The following LGR4 variants were observed in gnomAD, a reference collection of about 807,000 sequenced individuals.
LGR4 encodes the protein leucine rich repeat containing G protein-coupled receptor 4, also known as leucine-rich repeat-containing G protein-coupled receptor 4.
A neutral mutation model predicts 84.8 loss-of-function variants in LGR4; 44 were observed. The ratio of observed to expected loss-of-function variants is 0.52; its 90% confidence interval spans 0.41 to 0.67. The LOEUF is 0.67. Ranked by LOEUF, LGR4 falls within the 30% of genes least tolerant of loss-of-function variation. LGR4 has a pLI of 0.00. For missense variants in LGR4, 1,032 were observed against 1,131.4 expected, an observed-to-expected ratio of 0.91 and a Z score of 1.26; for synonymous variants, 429 against 434.3, an observed-to-expected ratio of 0.99 and a Z score of 0.15.
intron 4 of LGR4, among the ~76,000 whole-genome samples, chr11:27,390,451 T>C (rs1301376606): frequency 6.6e-6 from 1 of 152,176 alleles, no homozygotes; most frequent in African/African-American, 2.4e-5. Flanking sequence ...AAAACCAGCA[T>C]TACTTCTAGG....
At chr11:27,420,170 A>G (rs981339775) in intron 1 of LGR4, among the ~76,000 whole-genome samples, 3 of 152,144 alleles carry the variant, frequency 2.0e-5, no homozygotes, top group African/African-American at 7.2e-5. Context: ...AAAAAAAATA[A>G]TTCATCCTAT....
intron 1 of LGR4, among the ~76,000 whole-genome samples, chr11:27,438,408 T>C (rs1401989934): frequency 6.6e-6 from 1 of 152,116 alleles, no homozygotes; most frequent in Non-Finnish European, 1.5e-5. Flanking sequence ...TGCCACCACT[T>C]GGCAGGCAGA....
chr11:27,379,098 T>A, intron 10 of LGR4: 1 of 255,640 alleles, frequency 3.9e-6, no homozygotes, highest in Non-Finnish European at 7.3e-6. Flanking sequence ...ACCCAAGACC[T>A]TTGAAACCAA....
At chr11:27,443,518 A>G (rs114232450) in intron 1 of LGR4, among the ~76,000 whole-genome samples, 1,881 of 152,348 alleles carry the variant, frequency 0.012, 40 homozygotes, top group African/African-American at 0.042. Flanking sequence ...GAAAATGGGG[A>G]AAGGCTGAAG....
At chr11:27,437,498 G>A (rs560283458) in intron 1 of LGR4, among the ~76,000 whole-genome samples, 1 of 152,162 alleles carries the variant, frequency 6.6e-6, no homozygotes, top group South Asian at 2.1e-4. Flanking sequence ...TTAAAATTGA[G>A]AAGGAGTGAC....
chr11:27,456,750 T>C (rs1433455540), intron 1 of LGR4, among the ~76,000 whole-genome samples: 2 of 152,174 alleles, frequency 1.3e-5, no homozygotes, highest in African/African-American at 4.8e-5. Flanking sequence ...TAAACAAGTA[T>C]GTATAAAAAG....
chr11:27,419,849 C>T (rs79489088), intron 1 of LGR4, among the ~76,000 whole-genome samples: 3,082 of 151,822 alleles, frequency 0.02, 98 homozygotes, highest in African/African-American at 0.071. Context: ...ACATATTGCA[C>T]GATTCCATTT....
chr11:27,463,647 G>A (rs1039460656), intron 1 of LGR4, among the ~76,000 whole-genome samples: 3 of 151,976 alleles, frequency 2.0e-5, no homozygotes, highest in Non-Finnish European at 4.4e-5. Context: ...TCAGCCGGGT[G>A]CGGTAGCAGG....
At chr11:27,451,892 C>A (rs1590404657) in intron 1 of LGR4, among the ~76,000 whole-genome samples, 1 of 152,074 alleles carries the variant, frequency 6.6e-6, no homozygotes, top group Non-Finnish European at 1.5e-5. Context: ...TGATTCAAAC[C>A]ATTTAAATTA....
intron 1 of LGR4, among the ~76,000 whole-genome samples, chr11:27,452,903 G>A (rs1219003146): frequency 6.6e-6 from 1 of 151,452 alleles, no homozygotes; most frequent in African/African-American, 2.4e-5. Context: ...TGTATCAATA[G>A]TTTGTATACT....
At chr11:27,424,935 AC>A (rs1863994138) in intron 1 of LGR4, among the ~76,000 whole-genome samples, 1 of 152,044 alleles carries the variant, frequency 6.6e-6, no homozygotes, top group Non-Finnish European at 1.5e-5. Context: ...TGTAGTAGAG[AC>A]GGGGTTTCAC....
chr11:27,401,231 C>T (rs764422766), intron 2 of LGR4, among the ~76,000 whole-genome samples: 21 of 152,122 alleles, frequency 1.4e-4, no homozygotes, highest in African/African-American at 2.4e-4. Context: ...AAAATAAGTA[C>T]GTTTCTGCTA....
chr11:27,418,689 C>A (rs992543836), intron 1 of LGR4, among the ~76,000 whole-genome samples: 1 of 152,022 alleles, frequency 6.6e-6, no homozygotes, highest in Non-Finnish European at 1.5e-5. Flanking sequence ...TACTTCAACA[C>A]CCTAAGTATA....
chr11:27,449,598 C>G (rs1485347366), intron 1 of LGR4, among the ~76,000 whole-genome samples: 1 of 149,742 alleles, frequency 6.7e-6, no homozygotes, highest in Non-Finnish European at 1.5e-5. Flanking sequence ...AAATCAAAAA[C>G]TTGCTTGGTT....
intron 9 of LGR4, 47 bp from the exon 10 acceptor site, chr11:27,380,386 T>C (rs895637460): frequency 3.5e-6 from 5 of 1,423,158 alleles, no homozygotes; most frequent in Non-Finnish European, 4.9e-6. Context: ...TTTTTTTTCA[T>C]ATTTTATGTT....
In LGR4 at chr11:27,392,473, C is replaced by G; in HGVS notation, c.303G>C (p.Leu101Phe). Residue 101 changes from leucine (L) to phenylalanine (F), a missense_variant, in exon 3 of 18, where the codon TTG (leucine) becomes TTC (phenylalanine). Transcript: ENST00000379214. ...GAACTTTGAGTTCTTTCAACCCAGA[C>G]AAGGCCTTTGGGTGGATAAAAGAAA... ...NDLSFIHPKA[L>F]SGLKELKVLT... 2 of 1,591,228 alleles carry G rather than the reference C, an allele frequency of 1.3e-6. No individual in the cohort carries two copies. The highest frequency in any genetic ancestry group is 1.7e-4 in the Middle Eastern group (1 of 5,950).
At chr11:27,409,366 C>T (rs1242815283) in intron 2 of LGR4, among the ~76,000 whole-genome samples, 2 of 152,070 alleles carry the variant, frequency 1.3e-5, no homozygotes, top group African/African-American at 4.8e-5. Flanking sequence ...CTTGTCAGTT[C>T]AGCTTCAACT....
chr11:27,389,314 A>T (rs192780235), intron 4 of LGR4, among the ~76,000 whole-genome samples: 161 of 152,112 alleles, frequency 1.1e-3, no homozygotes, highest in African/African-American at 3.6e-3. Context: ...CAAAGCCTTT[A>T]AAAAAAAGTT....
intron 1 of LGR4, among the ~76,000 whole-genome samples, chr11:27,471,341 T>C (rs896497297): frequency 5.3e-5 from 8 of 152,258 alleles, no homozygotes; most frequent in African/African-American, 1.4e-4. Flanking sequence ...CAGCCTGGGC[T>C]GAGCATATGC....
Sources: gnomAD v4.1 joint callset for allele counts (sites outside exome capture counted in the v4.1 genomes callset) on GRCh38, gnomAD v4.1.1 for gene constraint, MANE v1.5 for transcripts, NCBI Gene and HGNC (gene_info 2026-07-23, HGNC 2026-07-21) for gene names.